The following GRIA4 variants were observed in gnomAD, a reference collection of about 807,000 sequenced individuals.
GRIA4 encodes glutamate receptor 4.
Under a neutral mutation model 104.0 loss-of-function variants are expected in GRIA4, and 34 were observed. The observed-to-expected ratio is 0.33, with a 90% CI of 0.25 to 0.44. The LOEUF is 0.44. Ranked by LOEUF, GRIA4 falls within the 20% of genes least tolerant of loss-of-function variation. The pLI, the probability that GRIA4 is intolerant of heterozygous loss-of-function variation, is 1.00. For synonymous variants in GRIA4, 386 were observed against 381.9 expected (o/e 1.01, Z -0.13); for missense variants, 750 against 1,096.5 (o/e 0.68, Z 4.46).
chr11:105,739,330 CT>C (rs1354380236), intron 3 of GRIA4, among the ~76,000 whole-genome samples: 1 of 152,048 alleles, frequency 6.6e-6, no homozygotes, highest in Non-Finnish European at 1.5e-5. Context: ...TTGAAATGTG[CT>C]TTTTAGCTCA....
chr11:105,662,856 G>A (rs1952054070), intron 3 of GRIA4, among the ~76,000 whole-genome samples: 1 of 151,862 alleles, frequency 6.6e-6, no homozygotes, highest in Non-Finnish European at 1.5e-5. Context: ...GTTACTGAGA[G>A]CAACAGAAGG....
At position 105,656,905 on chromosome 11, in the gene GRIA4, T is replaced by G. The variant is rs576929902; in HGVS notation, c.247+44471T>G. 2.6e-5 allele frequency among the ~76,000 whole-genome samples: 4 copies of G among 152,150 alleles called. No homozygotes were observed. In the East Asian group the frequency reaches 7.7e-4, roughly 29 times the overall value. ...AGACTGTCTATCAGAAAATATGTAC[T>G]TATTAATTCAATAATGAACCAGAGA... On this transcript the variant is annotated intron_variant, in intron 3 of 16. Transcript: ENST00000282499.
rs538182520 is a variant in GRIA4 at position 105,610,818 on chromosome 11, A to G, written c.-90-90A>G. 8 of 578,580 alleles carry G rather than the reference A, an allele frequency of 1.4e-5. No individual in the cohort carries two copies. The African/African-American group carries it at 1.5e-4, about 11-fold the overall frequency. 35.8% of individuals were successfully genotyped at this position (578,580 alleles called of 1,614,324 possible). A position where few individuals can be genotyped will look rare whatever the true frequency, so the allele number is the denominator to read the frequency against. ...GGATTGCTAAGGAGAACTAGTCATA[A>G]TCTTAAACCACCGAAACCTCTTTCC... On this transcript the variant is annotated intron_variant, in intron 1 of 16. Coordinates refer to ENST00000282499, the MANE Select transcript of GRIA4 (RefSeq NM_000829.4).
chr11:105,763,713 C>G (rs538176120), intron 4 of GRIA4, among the ~76,000 whole-genome samples: 1 of 152,306 alleles, frequency 6.6e-6, no homozygotes, highest in Non-Finnish European at 1.5e-5. Flanking sequence ...ACAGCTTAAA[C>G]TCCTATCTGT....
At chr11:105,908,630 G>A (rs1947128359) in intron 9 of GRIA4, among the ~76,000 whole-genome samples, 2 of 145,806 alleles carry the variant, frequency 1.4e-5, no homozygotes, top group South Asian at 4.3e-4. Flanking sequence ...AAAAAATAAA[G>A]TTTGCTTATT....
intron 9 of GRIA4, among the ~76,000 whole-genome samples, chr11:105,906,072 T>C (rs1323945536): frequency 2.6e-5 from 4 of 152,166 alleles, no homozygotes; most frequent in Non-Finnish European, 5.9e-5. Flanking sequence ...CTAAAAGCTG[T>C]ATTTGGCTGT....
At chr11:105,691,511 C>T (rs547626935) in intron 3 of GRIA4, among the ~76,000 whole-genome samples, 1 of 152,170 alleles carries the variant, frequency 6.6e-6, no homozygotes, top group Admixed American at 6.5e-5. Context: ...AAAATTAGCT[C>T]TAAACAACTA....
At position 105,642,537 on chromosome 11, in the gene GRIA4, GAAA is replaced by G. The variant is rs34987277; in HGVS notation, c.247+30127_247+30129del. Among the ~76,000 whole-genome samples, 485 of 72,384 alleles carry G rather than the reference GAAA, an allele frequency of 6.7e-3. 2 individuals are homozygous for G. The highest frequency in any genetic ancestry group is 0.017 in the African/African-American group (272 of 15,780). The allele number at this position is 72,384 out of a possible 152,430, so 47.5% of individuals were successfully genotyped here. A position where few individuals can be genotyped will look rare whatever the true frequency, so the allele number is the denominator to read the frequency against. On this transcript the variant is annotated intron_variant, in intron 3 of 16. Coordinates refer to ENST00000282499, the MANE Select transcript of GRIA4 (RefSeq NM_000829.4). The stretch of plus-strand genomic sequence containing the variant: ...TATAATCAACATTCTCAATTTTAAT[GAAA>G]AAAAAAAAAAAAAAAAAAAAAAAGG...
intron 7 of GRIA4, among the ~76,000 whole-genome samples, chr11:105,901,885 A>AT (rs1946871582): frequency 6.6e-6 from 1 of 151,962 alleles, no homozygotes; most frequent in African/African-American, 2.4e-5. Context: ...CTAGCATTGC[A>AT]TTTTTCTCTT....
In GRIA4 at chr11:105,938,524, A is replaced by C. The variant is rs573415746; in HGVS notation, c.2294+4555A>C. Reference sequence around the variant, plus strand: ...GTTGGTACACAAACACATTTATTTTAACTATTATGAAAAGAGATATATCTT... The same window carrying C: ...GTTGGTACACAAACACATTTATTTTCACTATTATGAAAAGAGATATATCTT... On this transcript the variant is annotated intron_variant, in intron 14 of 16. Coordinates refer to ENST00000282499, the MANE Select transcript of GRIA4 (RefSeq NM_000829.4). Among the ~76,000 whole-genome samples, 4 of 152,276 alleles carry C rather than the reference A, an allele frequency of 2.6e-5. No individual in the cohort carries two copies. In the East Asian group the frequency reaches 7.7e-4, roughly 29 times the overall value.
At position 105,844,815 on chromosome 11, in the gene GRIA4, C is replaced by A. The variant is rs781626068; in HGVS notation, c.488-17209C>A. Among the ~76,000 whole-genome samples, 58 of 152,198 alleles carry A rather than the reference C, an allele frequency of 3.8e-4. 1 individual carries two copies. The highest frequency in any genetic ancestry group is 1.2e-4 in the Non-Finnish European group (8 of 68,038). ...TACTGCTACTACTATTGCACACACA[C>A]AAACACACTTACTATTCTGTGCATC... On this transcript the variant is annotated intron_variant, in intron 4 of 16. Coordinates refer to ENST00000282499, the MANE Select transcript of GRIA4 (RefSeq NM_000829.4).
In GRIA4 at chr11:105,974,464, C is replaced by T. The variant is rs748599727; in HGVS notation, c.2544+20C>T. 1.2e-6 allele frequency: 2 copies of T among 1,613,878 alleles called. No individual in the cohort carries two copies. On this transcript the variant is annotated intron_variant, in intron 16 of 16. Transcript: ENST00000282499. ...ATGAAGGTGGCAAAGAGTGCACAGACTTTTAACCCAACTTCCTCGCAGAAT... is the reference window on the plus strand; with the variant it reads ...ATGAAGGTGGCAAAGAGTGCACAGATTTTTAACCCAACTTCCTCGCAGAAT...
At chr11:105,632,099 A>G (rs771670197) in intron 3 of GRIA4, among the ~76,000 whole-genome samples, 14 of 152,220 alleles carry the variant, frequency 9.2e-5, no homozygotes, top group Non-Finnish European at 2.1e-4. Flanking sequence ...TTTGAATTTG[A>G]TAACAGGGAT....
chr11:105,802,516 T>C (rs1173473963), intron 4 of GRIA4, among the ~76,000 whole-genome samples: 1 of 152,146 alleles, frequency 6.6e-6, no homozygotes. Flanking sequence ...GAAAAGATTT[T>C]GAAATGCAAC....
intron 4 of GRIA4, among the ~76,000 whole-genome samples, chr11:105,843,104 G>C (rs1389957324): frequency 6.6e-6 from 1 of 152,072 alleles, no homozygotes; most frequent in Non-Finnish European, 1.5e-5. Context: ...TTTTGTTTTT[G>C]GGGTTTTTCA....
intron 4 of GRIA4, among the ~76,000 whole-genome samples, chr11:105,754,304 G>T (rs1940179551): frequency 6.6e-6 from 1 of 151,986 alleles, no homozygotes; most frequent in Admixed American, 6.6e-5. Context: ...AAATTTCTGT[G>T]GTATTTCAGG....
rs780045968 is a variant in GRIA4 at position 105,904,025 on chromosome 11, GT to G, written c.1053+48del. On this transcript the variant is annotated intron_variant, in intron 8 of 16. Transcript: ENST00000282499. ...TAAGTTCAATTCATTTCATGGTCTT[GT>G]TTTAACTGAATGTTCAAAAAACAGA... 4 of 1,332,746 alleles carry G rather than the reference GT, an allele frequency of 3.0e-6. No homozygotes were observed. The South Asian group carries it at 5.2e-5, about 17-fold the overall frequency. 82.6% of individuals were successfully genotyped at this position (1,332,746 alleles called of 1,614,324 possible).
chr11:105,979,235 A>G (rs1003724069), intron 16 of GRIA4, among the ~76,000 whole-genome samples: 1 of 152,236 alleles, frequency 6.6e-6, no homozygotes, highest in Non-Finnish European at 1.5e-5. Context: ...AATGTTGTCA[A>G]ACATAAAAGA....
chr11:105,650,863 G>A (rs1951667078), intron 3 of GRIA4, among the ~76,000 whole-genome samples: 1 of 152,044 alleles, frequency 6.6e-6, no homozygotes, highest in African/African-American at 2.4e-5. Flanking sequence ...ACTAAAATTA[G>A]ACAACACGTG....
Sources: gnomAD v4.1 joint callset for allele counts (sites outside exome capture counted in the v4.1 genomes callset) on GRCh38, gnomAD v4.1.1 for gene constraint, MANE v1.5 for transcripts, NCBI Gene and HGNC (gene_info 2026-07-23, HGNC 2026-07-21) for gene names.